ARFGAP3: variants seen among roughly 807,000 people sequenced by gnomAD.
The protein encoded by ARFGAP3 is ADP-ribosylation factor GTPase-activating protein 3.
A neutral mutation model predicts 75.0 loss-of-function variants in ARFGAP3; 72 were observed. That is an observed-to-expected ratio of 0.96 (90% CI 0.79 to 1.17). ARFGAP3 has a LOEUF of 1.17. Ranked by LOEUF, ARFGAP3 falls within the 50% of genes most tolerant of loss-of-function variation. The probability of loss-of-function intolerance (pLI) is 0.00; values close to 1 mark genes in which losing one functional copy is unlikely to be tolerated. For synonymous variants in ARFGAP3, 221 were observed against 217.9 expected, an observed-to-expected ratio of 1.01 and a Z score of -0.13; for missense variants, 620 against 626.6, an observed-to-expected ratio of 0.99 and a Z score of 0.11.
At chr22:42,811,115 T>G (rs1356308347) in intron 11 of ARFGAP3, 171 bp from the exon 12 acceptor site, 21 of 625,744 alleles carry the variant, frequency 3.4e-5, no homozygotes, top group Non-Finnish European at 4.2e-5. Flanking sequence ...TTCCAAGGCC[T>G]TTCAAGTACC....
intron 5 of ARFGAP3, among the ~76,000 whole-genome samples, chr22:42,833,231 T>G (rs1188949349): frequency 6.6e-6 from 1 of 152,172 alleles, no homozygotes; most frequent in Non-Finnish European, 1.5e-5. Context: ...ATCCAATAGC[T>G]TTGAGATAAT....
rs775292157 is a variant in ARFGAP3, at chr22:42,808,863, A to C, written c.1224T>G (p.Tyr408Ter). The part of the protein sequence containing the change: ...DRPTARRKPD[Y>*]EPVENTDEAQ... ...CCTCATCTGTATTTTCAACTGGCTCATAATCTGGCTTGCGGCGAGCAGTAG... is the reference window on the plus strand; with the variant it reads ...CCTCATCTGTATTTTCAACTGGCTCCTAATCTGGCTTGCGGCGAGCAGTAG... Residue 408 changes from tyrosine (Y) to a stop codon, truncating the protein, a stop_gained, in exon 13 of 16, where the codon TAT becomes TAG. Transcript: ENST00000263245. LOFTEE classifies it high-confidence loss of function. 4 of 1,613,218 alleles carry C rather than the reference A, an allele frequency of 2.5e-6. No individual in the cohort carries two copies. In the South Asian group the frequency reaches 3.3e-5, roughly 13 times the overall value.
At chr22:42,823,325 C>G (rs1925894692) in intron 8 of ARFGAP3, among the ~76,000 whole-genome samples, 1 of 152,078 alleles carries the variant, frequency 6.6e-6, no homozygotes, top group African/African-American at 2.4e-5. Context: ...TATCTGAAAA[C>G]TCACCAGACA....
chr22:42,812,072 C>T (rs962246259), intron 11 of ARFGAP3, among the ~76,000 whole-genome samples: 2 of 151,478 alleles, frequency 1.3e-5, no homozygotes, highest in African/African-American at 4.9e-5. Context: ...TGACCATCTC[C>T]GGGGATTAAA....
At chr22:42,835,802 G>C (rs1926496395) in intron 3 of ARFGAP3, among the ~76,000 whole-genome samples, 1 of 152,046 alleles carries the variant, frequency 6.6e-6, no homozygotes, top group Admixed American at 6.6e-5. Flanking sequence ...CTGGGCAACA[G>C]AGCAAGACTC....
intron 1 of ARFGAP3, among the ~76,000 whole-genome samples, chr22:42,856,854 G>A (rs1389796165): frequency 6.7e-6 from 1 of 149,176 alleles, no homozygotes; most frequent in East Asian, 2.0e-4. Context: ...AGAGCTCGCC[G>A]GGGGGTGTGC....
chr22:42,856,918 G>C (rs1373034867), intron 1 of ARFGAP3, among the ~76,000 whole-genome samples, 196 bp downstream of exon 1: 1 of 150,396 alleles, frequency 6.6e-6, no homozygotes, highest in Non-Finnish European at 1.5e-5. Context: ...CCCCCGCGCT[G>C]CGGCCTCCCG....
At chr22:42,808,270 C>T (rs934510576) in intron 13 of ARFGAP3, among the ~76,000 whole-genome samples, 3 of 151,564 alleles carry the variant, frequency 2.0e-5, no homozygotes, top group Non-Finnish European at 2.9e-5. Flanking sequence ...TAGTGGTGCA[C>T]GGCCGTATTC....
intron 14 of ARFGAP3, among the ~76,000 whole-genome samples, chr22:42,800,129 TAAG>T (rs1302683296): frequency 1.3e-5 from 2 of 152,156 alleles, no homozygotes; most frequent in African/African-American, 4.8e-5. Flanking sequence ...ACAATTGTAA[TAAG>T]ACGCTGGAGG....
At chr22:42,837,418 C>G (rs747771489) in intron 3 of ARFGAP3, among the ~76,000 whole-genome samples, 39 of 152,086 alleles carry the variant, frequency 2.6e-4, no homozygotes, top group Non-Finnish European at 2.8e-4. Context: ...CCTAGGAGTT[C>G]GAGACCAGCC....
At chr22:42,798,449 G>A (rs980672008) in intron 15 of ARFGAP3, among the ~76,000 whole-genome samples, 3 of 152,218 alleles carry the variant, frequency 2.0e-5, no homozygotes, top group African/African-American at 7.2e-5. Flanking sequence ...GCAAAGAAAC[G>A]AGCCACTCAT....
intron 6 of ARFGAP3, 105 bp downstream of exon 6, chr22:42,831,444 T>C: frequency 8.4e-7 from 1 of 1,195,524 alleles, no homozygotes; most frequent in South Asian, 1.4e-5. Flanking sequence ...AGTGCTGGGA[T>C]TACAGGCATG....
intron 12 of ARFGAP3, among the ~76,000 whole-genome samples, chr22:42,810,456 T>A (rs1388232314): frequency 2.0e-5 from 3 of 152,174 alleles, no homozygotes; most frequent in Non-Finnish European, 2.9e-5. Flanking sequence ...AGAGTGAGAC[T>A]CTGTCTCAAA....
At chr22:42,819,762 T>A (rs1361453758) in intron 9 of ARFGAP3, among the ~76,000 whole-genome samples, 1 of 152,204 alleles carries the variant, frequency 6.6e-6, no homozygotes, top group Non-Finnish European at 1.5e-5. Context: ...TGAGCCGAAA[T>A]AACTTTATTT....
intron 2 of ARFGAP3, among the ~76,000 whole-genome samples, chr22:42,844,190 CT>C (rs1015038506): frequency 7.4e-6 from 1 of 134,320 alleles, no homozygotes; most frequent in African/African-American, 2.5e-5. Context: ...TTTTTTGTTT[CT>C]TTTTTTGGTG....
intron 12 of ARFGAP3, 40 bp from the exon 13 acceptor site, chr22:42,808,930 A>G: frequency 2.6e-6 from 4 of 1,535,750 alleles, no homozygotes; most frequent in Non-Finnish European, 3.5e-6. Context: ...AACTAATTTG[A>G]GGTGAAGCAA....
chr22:42,800,748 G>A (rs985074285), intron 14 of ARFGAP3, among the ~76,000 whole-genome samples: 6 of 152,204 alleles, frequency 3.9e-5, no homozygotes, highest in African/African-American at 1.2e-4. Flanking sequence ...CCAACACAGT[G>A]ATGGGACTGG....
intron 11 of ARFGAP3, among the ~76,000 whole-genome samples, chr22:42,814,746 CT>C (rs1221489259): frequency 6.6e-6 from 1 of 151,868 alleles, no homozygotes; most frequent in African/African-American, 2.4e-5. Flanking sequence ...GAAACTTTCT[CT>C]TTTTTTTGAG....
chr22:42,823,217 T>TA (rs1925889093), intron 8 of ARFGAP3, among the ~76,000 whole-genome samples: 1 of 151,916 alleles, frequency 6.6e-6, no homozygotes, highest in Non-Finnish European at 1.5e-5. Context: ...TCATATAAGT[T>TA]AAGGAATGTG....
Sources: allele counts gnomAD v4.1 joint callset (sites outside exome capture counted in the v4.1 genomes callset), GRCh38; gene constraint gnomAD v4.1.1; transcripts MANE v1.5; gene names NCBI Gene and HGNC (gene_info 2026-07-23, HGNC 2026-07-21).